The following ATP8B4 variants were observed in gnomAD, a reference collection of about 807,000 sequenced individuals.
The protein encoded by ATP8B4 is ATPase phospholipid transporting 8B4 (putative).
In ATP8B4, 133 loss-of-function variants were observed where a neutral mutation model predicts 145.6. The observed-to-expected ratio is 0.91, with a 90% CI of 0.79 to 1.05. ATP8B4 has a LOEUF of 1.05. Among genes scored for constraint, ATP8B4 ranks in the 50% least tolerant of loss-of-function variants. ATP8B4 has a pLI of 0.00. For synonymous variants in ATP8B4, 507 were observed against 492.9 expected (o/e 1.03, Z -0.38); for missense variants, 1,458 against 1,425.2 (o/e 1.02, Z -0.37).
chr15:50,166,413 T>G (rs1186847914), intron 1 of ATP8B4, among the ~76,000 whole-genome samples: 3 of 152,330 alleles, frequency 2.0e-5, no homozygotes, highest in Middle Eastern at 6.8e-3. Context: ...TATTCATGAC[T>G]GCTGTATGTA....
intron 26 of ATP8B4, among the ~76,000 whole-genome samples, chr15:49,865,384 A>G (rs2032607414): frequency 6.6e-6 from 1 of 152,194 alleles, no homozygotes. Flanking sequence ...GTAAACCAGT[A>G]AATGGGTCTC....
At chr15:50,085,764 A>C (rs560226603) in intron 2 of ATP8B4, among the ~76,000 whole-genome samples, 27 of 147,864 alleles carry the variant, frequency 1.8e-4, no homozygotes, top group Non-Finnish European at 3.7e-4. Context: ...GTATATGTAT[A>C]TGCATATGTA....
intron 25 of ATP8B4, among the ~76,000 whole-genome samples, chr15:49,874,130 G>A (rs567784848): frequency 1.7e-4 from 26 of 152,256 alleles, no homozygotes; most frequent in South Asian, 1.4e-3. Flanking sequence ...GGTATACAGC[G>A]ATTAACAGAC....
Position 49,866,372 on chromosome 15 carries a change from A to G in ATP8B4, c.3140T>C (p.Ile1047Thr). 3 of 1,614,088 alleles carry G rather than the reference A, an allele frequency of 1.9e-6. No individual in the cohort carries two copies. Among genetic ancestry groups the G allele is most frequent in the Non-Finnish European group, 2.5e-6 (3 of 1,179,916 alleles). Residue 1047 changes from isoleucine (I) to threonine (T), a missense_variant, in exon 26 of 28, where the codon ATC becomes ACC. Physicochemically the swap from Ile to Thr is moderately conservative, Grantham distance 89. Coordinates refer to ENST00000284509, the MANE Select transcript of ATP8B4 (RefSeq NM_024837.4). ...AACAAATGGAAACTGGTTTGGGAAG[A>G]TGCCAAAGATGCCATTACTGTGCAT... ...FTMHSNGIFG[I>T]FPNQFPFVGN...
Position 49,938,262 on chromosome 15 carries a change from G to A in ATP8B4, c.1288-4080C>T, listed in dbSNP as rs566966423. 8.7e-4 allele frequency among the ~76,000 whole-genome samples: 133 copies of A among 152,158 alleles called. 1 individual carries two copies. The highest frequency in any genetic ancestry group is 3.1e-3 in the African/African-American group (127 of 41,484). On this transcript the variant is annotated intron_variant, in intron 14 of 27. Transcript: ENST00000284509. ...AAAGCAACCAGCTGACAGTTTCATGGTAGGGTCAAAACTGCCCATATCAAT... is the reference window on the plus strand; with the variant it reads ...AAAGCAACCAGCTGACAGTTTCATGATAGGGTCAAAACTGCCCATATCAAT...
At chr15:50,146,422 A>G (rs2044278130) in intron 1 of ATP8B4, among the ~76,000 whole-genome samples, 1 of 152,216 alleles carries the variant, frequency 6.6e-6, no homozygotes, top group South Asian at 2.1e-4. Context: ...AATTATTCAG[A>G]ACAAGAAAAA....
intron 1 of ATP8B4, among the ~76,000 whole-genome samples, chr15:50,135,023 A>T (rs1162266661): frequency 6.6e-6 from 1 of 152,236 alleles, no homozygotes; most frequent in Non-Finnish European, 1.5e-5. Flanking sequence ...ATTGTTAAAA[A>T]GATTCTTCAG....
At chr15:49,870,201 T>C (rs1598804466) in intron 25 of ATP8B4, among the ~76,000 whole-genome samples, 1 of 152,194 alleles carries the variant, frequency 6.6e-6, no homozygotes, top group East Asian at 1.9e-4. Context: ...ATGTGTTGAT[T>C]TGGAAAGCTG....
chr15:49,923,486 G>C lies in ATP8B4; in HGVS notation c.1651C>G (p.Pro551Ala), dbSNP rs2040441413. 1 of 1,591,614 alleles carries C rather than the reference G, an allele frequency of 6.3e-7. No homozygotes were observed. Among genetic ancestry groups the C allele is most frequent in the Admixed American group, 1.9e-5 (1 of 53,408 alleles). Residue 551 changes from proline to alanine, a missense_variant, in exon 17 of 28, where the codon CCA (proline) becomes GCA (alanine). Pro to Ala is a conservative substitution (Grantham distance 27). Transcript: ENST00000284509. ...GAATAAAGCTTTATCTGTCCTTCTG[G>C]GTTTCGAACTGAAAAGAAAAAAGTT... The part of the protein sequence containing the change: ...RKRMSVIVRN[P>A]EGQIKLYSKG...
intron 27 of ATP8B4, among the ~76,000 whole-genome samples, chr15:49,861,448 G>A (rs62020393): frequency 0.011 from 1,584 of 141,824 alleles, 46 homozygotes; most frequent in African/African-American, 0.04. Context: ...CTGTCTGTCT[G>A]TCTGTCTATC....
At chr15:50,159,425 T>G (rs1443131052) in intron 1 of ATP8B4, among the ~76,000 whole-genome samples, 1 of 152,206 alleles carries the variant, frequency 6.6e-6, no homozygotes, top group Non-Finnish European at 1.5e-5. Flanking sequence ...AAATATGAGA[T>G]TATATCATCG....
chr15:49,871,081 G>C (rs929206500), intron 25 of ATP8B4, among the ~76,000 whole-genome samples: 7 of 152,222 alleles, frequency 4.6e-5, no homozygotes, highest in African/African-American at 1.7e-4. Context: ...TAGCTTTGGA[G>C]CTGGGCATCT....
chr15:50,033,247 GAAAGTAT>G (rs2050585701), intron 6 of ATP8B4, among the ~76,000 whole-genome samples: 4 of 152,152 alleles, frequency 2.6e-5, no homozygotes, highest in African/African-American at 9.7e-5. Context: ...CAATGCCCAG[GAAAGTAT>G]AAAGTAGAAT....
intron 7 of ATP8B4, among the ~76,000 whole-genome samples, chr15:50,006,350 AATAG>A (rs1440296697): frequency 6.6e-6 from 1 of 151,900 alleles, no homozygotes; most frequent in East Asian, 1.9e-4. Flanking sequence ...AAATATGACA[AATAG>A]ATATATATCA....
intron 1 of ATP8B4, among the ~76,000 whole-genome samples, chr15:50,146,036 G>A (rs1039447046): frequency 5.1e-4 from 67 of 132,486 alleles, no homozygotes; most frequent in Middle Eastern, 4.7e-3. Flanking sequence ...TTTTTGAGAC[G>A]GAGTCTCACT....
rs58413585 is a variant in ATP8B4 at position 50,151,740 on chromosome 15, CAAAA to C, written c.-43+30517_-43+30520del. ...TAAGAGACAGAGTGAGAACCTGTCT[CAAAA>C]AAAAAAAAAAAAAAAAAAAGAGAGA... is the stretch of plus-strand genomic sequence containing the variant. On this transcript the variant is annotated intron_variant, in intron 1 of 3. Coordinates refer to the ATP8B4 transcript ENST00000558829. Among the ~76,000 whole-genome samples, 793 of 91,766 alleles carry C rather than the reference CAAAA, an allele frequency of 8.6e-3. 7 individuals carry two copies. The highest frequency in any genetic ancestry group is 0.03 in the African/African-American group (701 of 23,674). The allele number at this position is 91,766 out of a possible 152,430, so 60.2% of individuals were successfully genotyped here. A position where few individuals can be genotyped will look rare whatever the true frequency, so the allele number is the denominator to read the frequency against.
chr15:49,971,353 A>AT (rs1251320336), intron 13 of ATP8B4, among the ~76,000 whole-genome samples: 3 of 152,248 alleles, frequency 2.0e-5, no homozygotes, highest in Non-Finnish European at 4.4e-5. Context: ...ATGGGAGAAA[A>AT]TATTTTCAAT....
intron 25 of ATP8B4, among the ~76,000 whole-genome samples, chr15:49,872,195 C>T (rs1382220223): frequency 2.0e-5 from 3 of 152,194 alleles, no homozygotes; most frequent in East Asian, 1.9e-4. Flanking sequence ...TATTAAAGAA[C>T]ATCGACTTGG....
intron 13 of ATP8B4, among the ~76,000 whole-genome samples, chr15:49,968,864 A>T: frequency 6.6e-6 from 1 of 152,218 alleles, no homozygotes; most frequent in East Asian, 1.9e-4. Flanking sequence ...ACCTGACCAC[A>T]TAATTGGAAG....
Sources: allele counts gnomAD v4.1 joint callset (sites outside exome capture counted in the v4.1 genomes callset), GRCh38; gene constraint gnomAD v4.1.1; transcripts MANE v1.5; gene names NCBI Gene and HGNC (gene_info 2026-07-23, HGNC 2026-07-21).